Variants in SORCS2 observed in about 807,000 individuals in gnomAD.
SORCS2 encodes sortilin related VPS10 domain containing receptor 2, also known as VPS10 domain-containing receptor SorCS2.
SORCS2 carries 100 observed loss-of-function variants against 141.6 expected under a neutral mutation model. The observed-to-expected ratio is 0.71, with a 90% CI of 0.60 to 0.83. The LOEUF (loss-of-function observed/expected upper bound fraction) is 0.83. Ranked by LOEUF, SORCS2 falls within the 40% of genes least tolerant of loss-of-function variation. The pLI is 0.00. For missense variants in SORCS2, 1,646 were observed against 1,560.2 expected, an observed-to-expected ratio of 1.05 and a Z score of -0.93; for synonymous variants, 789 against 676.9, an observed-to-expected ratio of 1.17 and a Z score of -2.57.
chr4:7,608,617 C>T (rs751590093), intron 3 of SORCS2, among the ~76,000 whole-genome samples: 2 of 152,214 alleles, frequency 1.3e-5, no homozygotes, highest in African/African-American at 2.4e-5. Flanking sequence ...AGGGACAGGG[C>T]ACTCAGTGAC....
chr4:7,402,473 T>C (rs1724654895), intron 2 of SORCS2, among the ~76,000 whole-genome samples: 1 of 152,256 alleles, frequency 6.6e-6, no homozygotes, highest in Non-Finnish European at 1.5e-5. Flanking sequence ...TGAAGTTTGC[T>C]TTATGTGCCC....
At chr4:7,694,041 C>T (rs1333319246) in intron 11 of SORCS2, among the ~76,000 whole-genome samples, 3 of 152,324 alleles carry the variant, frequency 2.0e-5, no homozygotes, top group African/African-American at 2.4e-5. Flanking sequence ...CTCCCTGTCT[C>T]GGGAGCCATT....
chr4:7,729,563 A>G (rs777589332), intron 22 of SORCS2, 24 bp from the exon 23 acceptor site: 2 of 1,566,536 alleles, frequency 1.3e-6, no homozygotes, highest in Non-Finnish European at 1.7e-6. Flanking sequence ...CAGGCGGACC[A>G]AAGTGGCTTA....
chr4:7,389,068 T>G (rs1318771958), intron 1 of SORCS2, among the ~76,000 whole-genome samples: 1 of 152,186 alleles, frequency 6.6e-6, no homozygotes, highest in Non-Finnish European at 1.5e-5. Flanking sequence ...GGTGGATCAT[T>G]CCTGCCCCCA....
intron 1 of SORCS2, among the ~76,000 whole-genome samples, chr4:7,330,454 C>T (rs1335562879): frequency 6.6e-6 from 1 of 151,744 alleles, no homozygotes; most frequent in Non-Finnish European, 1.5e-5. Flanking sequence ...TCCTACCATC[C>T]ACCCCCACGC....
chr4:7,711,110 G>A (rs893277933), intron 14 of SORCS2, among the ~76,000 whole-genome samples: 1 of 152,194 alleles, frequency 6.6e-6, no homozygotes, highest in African/African-American at 2.4e-5. Flanking sequence ...ACAGAGGGAG[G>A]CCCCATGCTC....
chr4:7,496,234 A>G (rs1197344925), intron 2 of SORCS2, among the ~76,000 whole-genome samples: 1 of 152,136 alleles, frequency 6.6e-6, no homozygotes, highest in East Asian at 1.9e-4. Context: ...ACCCTCCTGG[A>G]ACCTGCAAAG....
chr4:7,441,449 C>G (rs1049237199), intron 2 of SORCS2, among the ~76,000 whole-genome samples: 3 of 152,146 alleles, frequency 2.0e-5, no homozygotes, highest in Non-Finnish European at 4.4e-5. Flanking sequence ...GTGGGATGCC[C>G]TGACTCATAC....
At chr4:7,365,096 C>T (rs554492760) in intron 1 of SORCS2, among the ~76,000 whole-genome samples, 15 of 152,314 alleles carry the variant, frequency 9.8e-5, no homozygotes, top group South Asian at 4.1e-4. Context: ...GGGTTCTTAG[C>T]GTTAGCTATG....
At chr4:7,235,063 G>A (rs572170920) in intron 1 of SORCS2, among the ~76,000 whole-genome samples, 2 of 152,370 alleles carry the variant, frequency 1.3e-5, no homozygotes, top group South Asian at 2.1e-4. Context: ...TGGGCTCTGC[G>A]TTGCATCCCG....
chr4:7,693,883 CTGGGTGGGGT>C (rs1465300411), intron 11 of SORCS2, among the ~76,000 whole-genome samples: 1 of 152,226 alleles, frequency 6.6e-6, no homozygotes, highest in Non-Finnish European at 1.5e-5. Flanking sequence ...GCTGAGGGGC[CTGGGTGGGGT>C]TGGGAGCTGA....
chr4:7,357,146 C>T (rs1357262945), intron 1 of SORCS2, among the ~76,000 whole-genome samples: 3 of 152,178 alleles, frequency 2.0e-5, no homozygotes, highest in Non-Finnish European at 4.4e-5. Flanking sequence ...ACACTTCCTC[C>T]TCCACCCGTG....
chr4:7,416,564 G>A (rs1394841138), intron 2 of SORCS2, among the ~76,000 whole-genome samples: 1 of 151,760 alleles, frequency 6.6e-6, no homozygotes, highest in Admixed American at 6.6e-5. Context: ...ATGTGCACAT[G>A]CACACACACA....
intron 1 of SORCS2, among the ~76,000 whole-genome samples, chr4:7,325,775 A>G (rs114883994): frequency 0.013 from 1,933 of 151,960 alleles, 38 homozygotes; most frequent in African/African-American, 0.044. Context: ...CCCTCCCCCC[A>G]CGCCCACCCT....
At chr4:7,544,307 A>G (rs1713078958) in intron 3 of SORCS2, among the ~76,000 whole-genome samples, 1 of 152,190 alleles carries the variant, frequency 6.6e-6, no homozygotes, top group South Asian at 2.1e-4. Context: ...AAGGTGAGAG[A>G]TGATGAATTG....
At chr4:7,726,436 G>A (rs1000542079) in intron 20 of SORCS2, among the ~76,000 whole-genome samples, 7 of 152,152 alleles carry the variant, frequency 4.6e-5, no homozygotes, top group Admixed American at 2.0e-4. Context: ...AGCTGGGCAT[G>A]GGGGTGCATA....
At chr4:7,366,195 T>C (rs1179842771) in intron 1 of SORCS2, among the ~76,000 whole-genome samples, 1 of 152,096 alleles carries the variant, frequency 6.6e-6, no homozygotes, top group Non-Finnish European at 1.5e-5. Flanking sequence ...AAGGAGAGGC[T>C]GGGATCCTTC....
At chr4:7,374,024 A>C (rs764301686) in intron 1 of SORCS2, among the ~76,000 whole-genome samples, 3 of 152,120 alleles carry the variant, frequency 2.0e-5, no homozygotes, top group Non-Finnish European at 4.4e-5. Context: ...TTTCTTCTAG[A>C]AGTTTTACAG....
chr4:7,531,395 G>C, intron 2 of SORCS2, 135 bp from the exon 3 acceptor site: 3 of 701,854 alleles, frequency 4.3e-6, no homozygotes, highest in Non-Finnish European at 7.2e-6. Context: ...CCCAGGCAGA[G>C]TGCCCAGGAC....
Sources: allele counts gnomAD v4.1 joint callset (sites outside exome capture counted in the v4.1 genomes callset), GRCh38; gene constraint gnomAD v4.1.1; transcripts MANE v1.5; gene names NCBI Gene and HGNC (gene_info 2026-07-23, HGNC 2026-07-21).